Variants in RAD54L observed in about 807,000 individuals in gnomAD.
The protein encoded by RAD54L is RAD54 like.
RAD54L carries 74 observed loss-of-function variants against 91.6 expected under a neutral mutation model. The ratio of observed to expected loss-of-function variants is 0.81; its 90% CI spans 0.67 to 0.98. The LOEUF (loss-of-function observed/expected upper bound fraction) is 0.98. Ranked by LOEUF, RAD54L falls within the 50% of genes least tolerant of loss-of-function variation. The pLI is 0.00. For synonymous variants in RAD54L, 304 were observed against 349.7 expected, an observed-to-expected ratio of 0.87 and a Z score of 1.46; for missense variants, 887 against 945.7, an observed-to-expected ratio of 0.94 and a Z score of 0.81.
At chr1:46,255,077 A>G (rs1659903946) in intron 3 of RAD54L, among the ~76,000 whole-genome samples, 1 of 152,196 alleles carries the variant, frequency 6.6e-6, no homozygotes, top group Non-Finnish European at 1.5e-5. Flanking sequence ...CATGTAGGCC[A>G]TTCGTGATCT....
chr1:46,267,030 T>C (rs1660284273), intron 8 of RAD54L, among the ~76,000 whole-genome samples: 1 of 152,202 alleles, frequency 6.6e-6, no homozygotes, highest in Non-Finnish European at 1.5e-5. Flanking sequence ...AATGTTTTTG[T>C]TTTTTGTTGA....
chr1:46,261,388 A>C lies in RAD54L; in HGVS notation c.891+3A>C. On this transcript the variant is annotated splice_donor_region_variant and intron_variant, in intron 8 of 17. Transcript: ENST00000371975. ...TTGGTCTGGTCATATGTGACGAGGT[A>C]CTTGACTCTCAGCAGTCTGGGTGGT... The C allele has an allele frequency of 6.2e-7, 1 of 1,614,032 alleles. No individual in the cohort carries two copies.
At chr1:46,272,846 A>C in intron 12 of RAD54L, 44 bp downstream of exon 12, 1 of 1,612,264 alleles carries the variant, frequency 6.2e-7, no homozygotes, top group Non-Finnish European at 8.5e-7. Flanking sequence ...AGAGTGAGCA[A>C]GGGAGGGTAG....
chr1:46,264,008 G>A (rs1291534508), intron 8 of RAD54L, among the ~76,000 whole-genome samples: 1 of 152,108 alleles, frequency 6.6e-6, no homozygotes, highest in Non-Finnish European at 1.5e-5. Flanking sequence ...TGTTGGCCAG[G>A]CTAGTCTCGA....
intron 8 of RAD54L, among the ~76,000 whole-genome samples, chr1:46,264,566 CTACTTGAAAGGGATATGA>C (rs1362906232): frequency 2.0e-5 from 3 of 152,180 alleles, no homozygotes; most frequent in Non-Finnish European, 4.4e-5. Context: ...GGCACATGGG[CTACTTGAAAGGGATATGA>C]TACAGATCAA....
chr1:46,271,355 C>T (rs910864197), intron 10 of RAD54L, among the ~76,000 whole-genome samples: 1 of 152,146 alleles, frequency 6.6e-6, no homozygotes, highest in African/African-American at 2.4e-5. Context: ...CTACCTCTCC[C>T]TACCAATTTT....
chr1:46,274,751 G>C (rs758719776), intron 16 of RAD54L, 34 bp downstream of exon 16: 1 of 1,613,092 alleles, frequency 6.2e-7, no homozygotes, highest in Non-Finnish European at 8.5e-7. Context: ...AGTAGGGGTG[G>C]GTCATGGAAC....
At position 46,278,101 on chromosome 1, in the gene RAD54L, G is replaced by A. The variant is rs111408489; in HGVS notation, c.2063G>A (p.Arg688His). 20 of 1,613,846 alleles carry A rather than the reference G, an allele frequency of 1.2e-5. No homozygotes were observed. The highest frequency in any genetic ancestry group is 5.3e-5 in the African/African-American group (4 of 74,932). Reference protein sequence around the residue: ...RLHCRRCVNSRQIRPPPDGSD... With the variant: ...RLHCRRCVNSHQIRPPPDGSD... ...CACTGCCGACGTTGTGTCAACAGCC[G>A]TCAGATCCGGCCACCCCCTGATGGT... The change falls in exon 18 of 18, where the codon CGT becomes CAT. Residue 688 changes from arginine to histidine, a missense_variant. Coordinates refer to ENST00000371975, the MANE Select transcript of RAD54L (RefSeq NM_003579.4).
chr1:46,268,911 A>G (rs1389797827), intron 9 of RAD54L, among the ~76,000 whole-genome samples: 1 of 152,174 alleles, frequency 6.6e-6, no homozygotes, highest in African/African-American at 2.4e-5. Context: ...GACTACAGGC[A>G]TATGCCACCA....
intron 16 of RAD54L, chr1:46,277,562 A>T: frequency 1.9e-6 from 1 of 530,392 alleles, no homozygotes; most frequent in South Asian, 2.1e-5. Flanking sequence ...CCCTGACGGG[A>T]TTTAGCCAGG....
chr1:46,259,037 A>C (rs908858113), intron 4 of RAD54L, among the ~76,000 whole-genome samples: 1 of 152,144 alleles, frequency 6.6e-6, no homozygotes, highest in African/African-American at 2.4e-5. Context: ...ATCCAAGTGC[A>C]TTCAGTAGCA....
intron 12 of RAD54L, among the ~76,000 whole-genome samples, 155 bp from the exon 13 acceptor site, chr1:46,273,200 G>A (rs1345165281): frequency 6.6e-6 from 1 of 152,194 alleles, no homozygotes; most frequent in African/African-American, 2.4e-5. Flanking sequence ...AGATGGCACC[G>A]ACTATATCCT....
chr1:46,265,811 A>G lies in RAD54L; in HGVS notation c.892-1648A>G, dbSNP rs1447896582. ...TGGTACAGTGTCCAGACTCAGAGTC[A>G]TACAGACCTGAGTTCAAATCCCAGC... On this transcript the variant is annotated intron_variant, in intron 8 of 17. Transcript: ENST00000371975. This position sits in a 1 kb window ranked among gnomAD's most constrained non-coding sequence, Gnocchi z 4.8. 1.3e-5 allele frequency among the ~76,000 whole-genome samples: 2 copies of G among 152,216 alleles called. No individual in the cohort carries two copies. Among genetic ancestry groups the G allele is most frequent in the Non-Finnish European group, 2.9e-5 (2 of 68,044 alleles).
At chr1:46,273,879 G>T in intron 14 of RAD54L, 132 bp downstream of exon 14, 2 of 1,320,838 alleles carry the variant, frequency 1.5e-6, no homozygotes, top group East Asian at 2.5e-5. Flanking sequence ...TTCCCTTATT[G>T]CTATGATGGC....
chr1:46,252,036 C>T (rs2148278287), intron 3 of RAD54L, among the ~76,000 whole-genome samples: 1 of 152,284 alleles, frequency 6.6e-6, no homozygotes, highest in Non-Finnish European at 1.5e-5. Context: ...CAACAGGAGA[C>T]CTATGGGTCT....
At chr1:46,253,968 T>C (rs992853354) in intron 3 of RAD54L, among the ~76,000 whole-genome samples, 1 of 152,032 alleles carries the variant, frequency 6.6e-6, no homozygotes, top group Non-Finnish European at 1.5e-5. Context: ...TGCAGTCTTT[T>C]TTGTTTTTGT....
intron 4 of RAD54L, 122 bp downstream of exon 4, chr1:46,258,868 C>T: frequency 1.2e-6 from 1 of 839,220 alleles, no homozygotes; most frequent in Admixed American, 2.0e-5. Context: ...CCAGCGGTGG[C>T]TGTGTTTGGG....
chr1:46,274,770 C>T, intron 16 of RAD54L, 53 bp downstream of exon 16: 1 of 1,605,474 alleles, frequency 6.2e-7, no homozygotes, highest in Non-Finnish European at 8.5e-7. Context: ...ACGAGATCTT[C>T]AGGACCATCT....
intron 3 of RAD54L, among the ~76,000 whole-genome samples, chr1:46,253,621 AAAAG>A (rs1293331294): frequency 6.6e-6 from 1 of 151,962 alleles, no homozygotes; most frequent in Non-Finnish European, 1.5e-5. Flanking sequence ...CTAAAAAAAA[AAAAG>A]AATTCACACA....
Sources: allele counts gnomAD v4.1 joint callset (sites outside exome capture counted in the v4.1 genomes callset), GRCh38; gene constraint gnomAD v4.1.1; non-coding constraint Gnocchi (gnomAD v3.1); transcripts MANE v1.5; gene names NCBI Gene and HGNC (gene_info 2026-07-23, HGNC 2026-07-21).